The following PGLS variants were observed in gnomAD, a reference collection of about 807,000 sequenced individuals.
The protein encoded by PGLS is epididymis secretory protein Li 304.
A neutral mutation model predicts 23.2 loss-of-function variants in PGLS; 21 were observed. The observed-to-expected ratio is 0.91, with a 90% CI of 0.64 to 1.31. PGLS has a LOEUF of 1.31. Ranked by LOEUF, PGLS falls within the 50% of genes most tolerant of loss-of-function variation. The probability of loss-of-function intolerance (pLI) is 0.00; values close to 1 mark genes in which losing one functional copy is unlikely to be tolerated. For missense variants in PGLS, 410 were observed against 354.0 expected (o/e 1.16, Z -1.27); for synonymous variants, 179 against 165.4 (o/e 1.08, Z -0.63).
chr19:17,521,087 C>A lies in PGLS; in HGVS notation c.*6C>A. On this transcript the variant is annotated 3_prime_UTR_variant, in exon 5 of 5. Transcript: ENST00000252603. ...AGAAGCATTCCACTTTGTAGCTGGC[C>A]AGAGGGACGCCGCAGCTGGGACCAG... The A allele has an allele frequency of 6.3e-7, 1 of 1,591,444 alleles. No homozygotes were observed. The highest frequency in any genetic ancestry group is 1.7e-5 in the Admixed American group (1 of 58,318).
In PGLS at chr19:17,512,008, C is replaced by G. The variant is rs569591741; in HGVS notation, c.288+48C>G. 5.6e-5 allele frequency: 84 copies of G among 1,492,160 alleles called. No homozygotes were observed. The African/African-American group carries it at 1.1e-3, about 20-fold the overall frequency. The allele number at this position is 1,492,160 out of a possible 1,614,324, so 92.4% of individuals were successfully genotyped here. A position where few individuals can be genotyped will look rare whatever the true frequency, so the allele number is the denominator to read the frequency against. Reference sequence around the variant, plus strand: ...GGGATCACGCCGAGAGGGCCACAGCCACCGCCTACACCCCGGCTACGGAGG... The same window carrying G: ...GGGATCACGCCGAGAGGGCCACAGCGACCGCCTACACCCCGGCTACGGAGG... On this transcript the variant is annotated intron_variant, in intron 1 of 4. Transcript: ENST00000252603.
Position 17,511,954 on chromosome 19 carries a change from C to G in PGLS, c.282C>G (p.Leu94=), listed in dbSNP as rs1434887740. The change falls in exon 1 of 5, where the codon CTC becomes CTG. Residue 94 remains leucine, a synonymous_variant. Transcript: ENST00000252603. Reference sequence around the variant, plus strand: ...ATCACGCCGAGAGCACGTACGGCCTCTACCGGGTGAGAGCTACGGGGGCCG... The same window carrying G: ...ATCACGCCGAGAGCACGTACGGCCTGTACCGGGTGAGAGCTACGGGGGCCG... The part of the protein sequence containing the change: ...PFDHAESTYG[L]YRTHLLSRLP... 1 of 1,548,880 alleles carries G rather than the reference C, an allele frequency of 6.5e-7. No individual in the cohort carries two copies. The highest frequency in any genetic ancestry group is 1.2e-5 in the South Asian group (1 of 84,374).
At chr19:17,514,871 C>T (rs865943033) in intron 1 of PGLS, among the ~76,000 whole-genome samples, 2 of 152,162 alleles carry the variant, frequency 1.3e-5, no homozygotes, top group Admixed American at 6.6e-5. Context: ...AGGCTGGTCT[C>T]GAACTCCTGA....
In PGLS at chr19:17,521,260, T is replaced by TC; in HGVS notation, c.*181dup. 1 of 596,458 alleles carries TC rather than the reference T, an allele frequency of 1.7e-6. No homozygotes were observed. The highest frequency in any genetic ancestry group is 2.2e-5 in the South Asian group (1 of 45,118). The allele number at this position is 596,458 out of a possible 1,614,324, so 36.9% of individuals were successfully genotyped here. ...AACACACAGGCTGTGGCTCTGGACA[T>TC]CCGGATATTAAAAGGAGCGTTGCTG... is the stretch of plus-strand genomic sequence containing the variant. On this transcript the variant is annotated 3_prime_UTR_variant, in exon 5 of 5. Coordinates refer to ENST00000252603, the MANE Select transcript of PGLS (RefSeq NM_012088.3).
rs1309391544 is a variant in PGLS, at chr19:17,516,516, GTATGGC to G, written c.396+244_396+249del. On this transcript the variant is annotated intron_variant, in intron 2 of 4. Coordinates refer to ENST00000252603, the MANE Select transcript of PGLS (RefSeq NM_012088.3). ...CTCACATCTTGGGGAAATATGATGGGTATGGCTATGGCTTTGATCACAGGCTACATT... is the reference window on the plus strand; with the variant it reads ...CTCACATCTTGGGGAAATATGATGGGTATGGCTTTGATCACAGGCTACATT... 2.3e-6 allele frequency: 3 copies of G among 1,329,790 alleles called. No homozygotes were observed. The African/African-American group carries it at 4.5e-5, about 20-fold the overall frequency. The allele number at this position is 1,329,790 out of a possible 1,614,324, so 82.4% of individuals were successfully genotyped here.
intron 1 of PGLS, among the ~76,000 whole-genome samples, chr19:17,514,489 T>A (rs1322670897): frequency 1.3e-5 from 2 of 151,918 alleles, no homozygotes; most frequent in Non-Finnish European, 2.9e-5. Flanking sequence ...TTTCTTTTCC[T>A]TTCCTTTTCT....
intron 1 of PGLS, among the ~76,000 whole-genome samples, chr19:17,514,126 C>T (rs906385457): frequency 6.6e-6 from 1 of 152,222 alleles, no homozygotes; most frequent in African/African-American, 2.4e-5. Flanking sequence ...AATTTATTCT[C>T]TCACCGTTCT....
At chr19:17,518,259 A>T (rs1408089510) in intron 4 of PGLS, 2 of 155,374 alleles carry the variant, frequency 1.3e-5, no homozygotes, top group Non-Finnish European at 2.8e-5. Context: ...AATTAAAGTC[A>T]GAAATTAATG....
chr19:17,513,905 G>A (rs11086076), intron 1 of PGLS, among the ~76,000 whole-genome samples: 57,372 of 152,040 alleles, frequency 0.38, 11,820 homozygotes, highest in Middle Eastern at 0.51. Context: ...GTCCTGAGAA[G>A]GTGCCATTTG....
intron 1 of PGLS, chr19:17,512,291 C>A: frequency 5.2e-6 from 2 of 381,426 alleles, no homozygotes; most frequent in East Asian, 5.8e-5. Context: ...AGGGCTCGCC[C>A]GCCTCCTGAA....
intron 4 of PGLS, among the ~76,000 whole-genome samples, chr19:17,520,131 T>A (rs2075550292): frequency 6.6e-6 from 1 of 150,704 alleles, no homozygotes; most frequent in East Asian, 1.9e-4. Context: ...CCAGCCTGGA[T>A]GACAGCGCAA....
chr19:17,512,346 C>G (rs1420922109), intron 1 of PGLS: 1 of 263,626 alleles, frequency 3.8e-6, no homozygotes, highest in Non-Finnish European at 7.4e-6. Flanking sequence ...CGCCCTCTGC[C>G]TTTATCTAGG....
chr19:17,517,491 C>T (rs750728137), intron 3 of PGLS, 102 bp downstream of exon 3: 13 of 1,040,964 alleles, frequency 1.2e-5, no homozygotes, highest in Non-Finnish European at 1.7e-5. Flanking sequence ...TGTCTAGAGC[C>T]AGGGTTCAAG....
chr19:17,515,225 C>A (rs578210167), intron 1 of PGLS, among the ~76,000 whole-genome samples: 4 of 152,198 alleles, frequency 2.6e-5, no homozygotes, highest in African/African-American at 9.7e-5. Flanking sequence ...AGCTCACACA[C>A]CCTCCTTGGC....
chr19:17,517,243 C>T (rs764388145), intron 2 of PGLS, 45 bp from the exon 3 acceptor site: 2 of 1,252,338 alleles, frequency 1.6e-6, no homozygotes, highest in East Asian at 4.6e-5. Flanking sequence ...CTCCCCTGCC[C>T]CTGCCACCTA....
At chr19:17,513,173 C>T (rs928000032) in intron 1 of PGLS, 1 of 150,808 alleles carries the variant, frequency 6.6e-6, no homozygotes, top group Non-Finnish European at 1.5e-5. Context: ...AGTAGATCAC[C>T]TGAGGTCAGG....
chr19:17,520,701 A>G (rs980515536), intron 4 of PGLS: 4 of 332,038 alleles, frequency 1.2e-5, no homozygotes, highest in Non-Finnish European at 2.1e-5. Flanking sequence ...ACTGCACTCC[A>G]GCCTGGGAGA....
At chr19:17,517,482 G>C in intron 3 of PGLS, 93 bp downstream of exon 3, 1 of 1,081,360 alleles carries the variant, frequency 9.2e-7, no homozygotes, top group Non-Finnish European at 1.4e-6. Context: ...CGGGTGGGGT[G>C]TCTAGAGCCA....
chr19:17,518,009 G>GAAAAAAAAA (rs67260410), intron 4 of PGLS, among the ~76,000 whole-genome samples, 159 bp downstream of exon 4: 1 of 136,154 alleles, frequency 7.3e-6, no homozygotes. Context: ...AGAAAAAAAG[G>GAAAAAAAAA]AAAAAAAAAA....
Sources: allele counts gnomAD v4.1 joint callset (sites outside exome capture counted in the v4.1 genomes callset), GRCh38; gene constraint gnomAD v4.1.1; transcripts MANE v1.5; gene names NCBI Gene and HGNC (gene_info 2026-07-23, HGNC 2026-07-21).